The following ANTXR1 variants were observed in gnomAD, a reference collection of about 807,000 sequenced individuals.
ANTXR1 encodes the protein anthrax toxin receptor 1.
Under a neutral mutation model 78.1 loss-of-function variants are expected in ANTXR1, and 19 were observed. The ratio of observed to expected loss-of-function variants is 0.24; its 90% CI spans 0.17 to 0.36. ANTXR1 has a LOEUF of 0.36. Ranked by LOEUF, ANTXR1 falls within the 10% of genes least tolerant of loss-of-function variation. ANTXR1 has a pLI of 1.00. For missense variants in ANTXR1, 518 were observed against 718.6 expected (o/e 0.72, Z 3.19); for synonymous variants, 273 against 260.5 (o/e 1.05, Z -0.46).
intron 12 of ANTXR1, among the ~76,000 whole-genome samples, chr2:69,142,230 C>T (rs1221178622): frequency 2.6e-5 from 4 of 152,202 alleles, no homozygotes; most frequent in South Asian, 2.1e-4. Flanking sequence ...CCACAGGAAA[C>T]GTAGGCTCCA....
chr2:69,228,271 A>G (rs914354495), intron 17 of ANTXR1, among the ~76,000 whole-genome samples: 1 of 152,190 alleles, frequency 6.6e-6, no homozygotes, highest in African/African-American at 2.4e-5. Flanking sequence ...AATCCTAAAG[A>G]AGGAAGAAAT....
chr2:69,138,095 GA>G (rs530717585), intron 12 of ANTXR1, among the ~76,000 whole-genome samples: 161 of 89,000 alleles, frequency 1.8e-3, no homozygotes, highest in African/African-American at 3.9e-3. Context: ...AAAAAAAAAA[GA>G]AAAAAAAAAA....
At chr2:69,072,651 G>A (rs559934304) in intron 5 of ANTXR1, among the ~76,000 whole-genome samples, 8 of 152,204 alleles carry the variant, frequency 5.3e-5, no homozygotes, top group East Asian at 3.8e-4. Context: ...TGACAAGGAC[G>A]TCTGAACAGC....
chr2:69,188,840 G>A lies in ANTXR1; in HGVS notation c.1354-4495G>A, dbSNP rs79618913. Among the ~76,000 whole-genome samples, 1,195 of 152,280 alleles carry A rather than the reference G, an allele frequency of 7.8e-3. 18 individuals carry two copies. The highest frequency in any genetic ancestry group is 0.027 in the African/African-American group (1,123 of 41,550). On this transcript the variant is annotated intron_variant, in intron 16 of 17. Coordinates refer to ENST00000303714, the MANE Select transcript of ANTXR1 (RefSeq NM_032208.3). ...AGACTTTAGGTGAAGCCCAGAGACT[G>A]TTTAGAAGACTCTTCTATGGCACAT...
In ANTXR1 at chr2:69,249,062, T is replaced by TA. The variant is rs1469040539; in HGVS notation, c.*3583dup. The TA allele has an allele frequency of 2.0e-5, 3 of 152,240 alleles. No individual in the cohort carries two copies. The highest frequency in any genetic ancestry group is 4.4e-5 in the Non-Finnish European group (3 of 68,042). The allele number at this position is 152,240 out of a possible 1,614,324, so 9.4% of individuals were successfully genotyped here. On this transcript the variant is annotated 3_prime_UTR_variant, in exon 18 of 18. Coordinates refer to ENST00000303714, the MANE Select transcript of ANTXR1 (RefSeq NM_032208.3). Reference sequence around the variant, plus strand: ...CTTCAATGCCTCTGAGTCATTGTTATAAAAAATCAGTTATCACTATACCAT... The same window carrying TA: ...CTTCAATGCCTCTGAGTCATTGTTATAAAAAAATCAGTTATCACTATACCAT...
intron 17 of ANTXR1, among the ~76,000 whole-genome samples, chr2:69,197,935 A>G (rs1175155803): frequency 4.6e-5 from 7 of 152,226 alleles, no homozygotes; most frequent in Admixed American, 1.3e-4. Context: ...TCACGTCACC[A>G]TTGTCAAGGA....
intron 17 of ANTXR1, among the ~76,000 whole-genome samples, chr2:69,201,281 G>A (rs1165929220): frequency 1.3e-5 from 2 of 152,152 alleles, no homozygotes; most frequent in Non-Finnish European, 2.9e-5. Flanking sequence ...AATGGAGTTG[G>A]GGAGGTAGAA....
At chr2:69,016,372 C>T (rs998944674) in intron 1 of ANTXR1, among the ~76,000 whole-genome samples, 1 of 152,258 alleles carries the variant, frequency 6.6e-6, no homozygotes, top group African/African-American at 2.4e-5. Flanking sequence ...TCCTTTCCAT[C>T]GAGCAATTTC....
intron 1 of ANTXR1, among the ~76,000 whole-genome samples, chr2:69,026,926 A>G (rs779469092): frequency 6.6e-6 from 1 of 152,228 alleles, no homozygotes; most frequent in Non-Finnish European, 1.5e-5. Context: ...TGACACTGAC[A>G]TGCAACACAT....
intron 7 of ANTXR1, chr2:69,077,085 C>T (rs1400174422): frequency 7.9e-6 from 3 of 379,904 alleles, no homozygotes; most frequent in African/African-American, 6.2e-5. Flanking sequence ...AAAATGAGCC[C>T]ATGGCCTGTG....
At chr2:69,163,620 C>T (rs372696244) in intron 13 of ANTXR1, among the ~76,000 whole-genome samples, 2 of 152,268 alleles carry the variant, frequency 1.3e-5, no homozygotes, top group East Asian at 3.9e-4. Flanking sequence ...CTGCATTTTT[C>T]GAACCAGGAC....
intron 17 of ANTXR1, among the ~76,000 whole-genome samples, chr2:69,219,865 C>A (rs1014405083): frequency 1.3e-5 from 2 of 152,122 alleles, no homozygotes; most frequent in Non-Finnish European, 1.5e-5. Flanking sequence ...CAGAAGGGTC[C>A]CCTTTCCCAC....
intron 13 of ANTXR1, among the ~76,000 whole-genome samples, chr2:69,156,635 G>T (rs1006832631): frequency 6.6e-6 from 1 of 152,232 alleles, no homozygotes; most frequent in Non-Finnish European, 1.5e-5. Flanking sequence ...TGATGGCAGA[G>T]GGGGAGCGAG....
chr2:69,204,601 T>G (rs983553066), intron 17 of ANTXR1, among the ~76,000 whole-genome samples: 7 of 152,270 alleles, frequency 4.6e-5, no homozygotes, highest in African/African-American at 1.4e-4. Flanking sequence ...ACAAAGAGTG[T>G]TGGTGGAAAT....
intron 17 of ANTXR1, among the ~76,000 whole-genome samples, chr2:69,235,651 C>CA (rs554310438): frequency 0.092 from 5,345 of 58,052 alleles, 300 homozygotes; most frequent in Non-Finnish European, 0.13. Context: ...AACCCCGTCT[C>CA]AAAAAAAAAA....
At chr2:69,228,389 A>T (rs1675514720) in intron 17 of ANTXR1, among the ~76,000 whole-genome samples, 1 of 152,176 alleles carries the variant, frequency 6.6e-6, no homozygotes, top group Admixed American at 6.5e-5. Flanking sequence ...TTTCATGGCT[A>T]TGCTTCTTGA....
At chr2:69,064,458 T>C (rs1368536687) in intron 3 of ANTXR1, among the ~76,000 whole-genome samples, 2 of 152,182 alleles carry the variant, frequency 1.3e-5, no homozygotes, top group Non-Finnish European at 2.9e-5. Flanking sequence ...TTGTCATATT[T>C]ACAGATGTCC....
At chr2:69,244,039 A>AGAAC (rs1446146082) in intron 17 of ANTXR1, among the ~76,000 whole-genome samples, 1 of 152,272 alleles carries the variant, frequency 6.6e-6, no homozygotes, top group Non-Finnish European at 1.5e-5. Context: ...GGTGAGCAGG[A>AGAAC]GAACCCCTGT....
intron 13 of ANTXR1, among the ~76,000 whole-genome samples, chr2:69,159,880 A>G (rs1027834118): frequency 6.6e-6 from 1 of 152,266 alleles, no homozygotes; most frequent in African/African-American, 2.4e-5. Context: ...AAGGGCAAAA[A>G]TTAATCAAAA....
Sources: allele counts gnomAD v4.1 joint callset (sites outside exome capture counted in the v4.1 genomes callset), GRCh38; gene constraint gnomAD v4.1.1; transcripts MANE v1.5; gene names NCBI Gene and HGNC (gene_info 2026-07-23, HGNC 2026-07-21).